The following SUPT3H variants were observed in gnomAD, a reference collection of about 807,000 sequenced individuals.
SUPT3H encodes the protein transcription initiation protein SPT3 homolog.
Under a neutral mutation model 44.3 loss-of-function variants are expected in SUPT3H, and 44 were observed. The observed-to-expected ratio is 0.99, with a 90% confidence interval of 0.78 to 1.28. The LOEUF (loss-of-function observed/expected upper bound fraction) is 1.28, where lower values mean the gene tolerates loss of function less well. SUPT3H is among the 50% of genes most tolerant of loss of function. The pLI is 0.00. For missense variants in SUPT3H, 380 were observed against 387.1 expected (o/e 0.98, Z 0.15); for synonymous variants, 124 against 125.6 (o/e 0.99, Z 0.09).
chr6:45,064,707 CA>C (rs1420142341), intron 3 of SUPT3H, among the ~76,000 whole-genome samples: 5 of 133,894 alleles, frequency 3.7e-5, no homozygotes, highest in Non-Finnish European at 8.0e-5. Context: ...TCAAAAGAGA[CA>C]AAGAAGGCCA....
intron 2 of SUPT3H, among the ~76,000 whole-genome samples, chr6:45,166,923 C>T (rs1809980197): frequency 6.6e-6 from 1 of 152,164 alleles, no homozygotes; most frequent in African/African-American, 2.4e-5. Context: ...GCATTGCTTG[C>T]AGGGAAGTAA....
intron 2 of SUPT3H, among the ~76,000 whole-genome samples, chr6:45,128,727 CCAGA>C (rs1223110398): frequency 6.7e-6 from 1 of 150,030 alleles, no homozygotes; most frequent in African/African-American, 2.5e-5. Flanking sequence ...CTTCTGTCAC[CCAGA>C]CTGGAGTGCA....
chr6:45,115,949 A>T (rs945340108), intron 2 of SUPT3H, among the ~76,000 whole-genome samples: 1 of 152,120 alleles, frequency 6.6e-6, no homozygotes, highest in Non-Finnish European at 1.5e-5. Context: ...AGTGCCAACC[A>T]ATCAACAACA....
chr6:44,907,997 C>T (rs1441652310), intron 10 of SUPT3H, among the ~76,000 whole-genome samples: 2 of 152,072 alleles, frequency 1.3e-5, no homozygotes, highest in Admixed American at 1.3e-4. Flanking sequence ...GCCAGGAGAA[C>T]TTGAAAGAGT....
intron 2 of SUPT3H, among the ~76,000 whole-genome samples, chr6:45,208,757 T>A (rs1277092397): frequency 3.4e-5 from 5 of 146,870 alleles, no homozygotes; most frequent in African/African-American, 2.5e-5. Flanking sequence ...AAATTCTCAG[T>A]GGAAACAAAA....
chr6:45,226,565 G>C (rs1766975041), intron 2 of SUPT3H, among the ~76,000 whole-genome samples: 1 of 152,066 alleles, frequency 6.6e-6, no homozygotes, highest in Non-Finnish European at 1.5e-5. Flanking sequence ...TCTTCTTTTT[G>C]AGACGGAGTC....
chr6:45,280,801 C>T (rs1777899330), intron 2 of SUPT3H, among the ~76,000 whole-genome samples: 1 of 151,006 alleles, frequency 6.6e-6, no homozygotes, highest in Admixed American at 6.6e-5. Context: ...ATAGTTTATG[C>T]CTTATCAACT....
intron 2 of SUPT3H, among the ~76,000 whole-genome samples, chr6:45,335,530 A>G (rs888208166): frequency 4.6e-5 from 7 of 151,308 alleles, no homozygotes; most frequent in African/African-American, 1.7e-4. Context: ...TTTTTTAGAT[A>G]AAAGTAAATT....
intron 6 of SUPT3H, among the ~76,000 whole-genome samples, chr6:44,972,549 C>A (rs561421579): frequency 7.9e-4 from 120 of 152,258 alleles, no homozygotes; most frequent in African/African-American, 2.7e-3. Flanking sequence ...AGAATGGTGG[C>A]CCTTTTACAG....
At chr6:45,158,314 T>TTTG in intron 2 of SUPT3H, among the ~76,000 whole-genome samples, 1 of 119,542 alleles carries the variant, frequency 8.4e-6, no homozygotes, top group Non-Finnish European at 1.8e-5. Flanking sequence ...TTTTTTTTTT[T>TTTG]TTTGAGATGG....
At chr6:45,114,054 T>G (rs1184169723) in intron 2 of SUPT3H, among the ~76,000 whole-genome samples, 1 of 151,890 alleles carries the variant, frequency 6.6e-6, no homozygotes, top group African/African-American at 2.4e-5. Flanking sequence ...CAAAATTAAA[T>G]TATTTATGAT....
intron 2 of SUPT3H, among the ~76,000 whole-genome samples, chr6:45,201,872 A>G (rs897257044): frequency 1.3e-5 from 2 of 151,956 alleles, no homozygotes; most frequent in Non-Finnish European, 2.9e-5. Flanking sequence ...AGTTTTTAAA[A>G]TATTAACAGT....
chr6:45,172,886 G>A lies in SUPT3H; in HGVS notation c.102-66880C>T, dbSNP rs114750030. ...ATTACAAGTGTGAGCCACCACACCC[G>A]GCCCAGATATTTTTAAAAATTCGTA... On this transcript the variant is annotated intron_variant, in intron 2 of 10. Coordinates refer to ENST00000371459, the MANE Select transcript of SUPT3H (RefSeq NM_003599.4). 5.6e-3 allele frequency among the ~76,000 whole-genome samples: 847 copies of A among 152,182 alleles called. 13 individuals are homozygous for A. Among genetic ancestry groups the A allele is most frequent in the African/African-American group, 0.019 (807 of 41,500 alleles).
chr6:44,846,621 C>T (rs1278909802), intron 10 of SUPT3H, among the ~76,000 whole-genome samples: 1 of 151,876 alleles, frequency 6.6e-6, no homozygotes, highest in Non-Finnish European at 1.5e-5. Flanking sequence ...TTTTGTCTTT[C>T]CCAATTGAAT....
At chr6:45,244,964 T>C (rs1771079096) in intron 2 of SUPT3H, among the ~76,000 whole-genome samples, 1 of 152,120 alleles carries the variant, frequency 6.6e-6, no homozygotes, top group Admixed American at 6.5e-5. Flanking sequence ...AGTTACTAAA[T>C]ATCTATGAAT....
intron 10 of SUPT3H, among the ~76,000 whole-genome samples, chr6:44,846,291 C>T (rs1771858976): frequency 6.6e-6 from 1 of 152,188 alleles, no homozygotes; most frequent in South Asian, 2.1e-4. Flanking sequence ...CAACTTAATG[C>T]AAAAGGCTAG....
intron 5 of SUPT3H, among the ~76,000 whole-genome samples, chr6:45,006,107 T>C (rs987679058): frequency 6.6e-6 from 1 of 152,116 alleles, no homozygotes; most frequent in Non-Finnish European, 1.5e-5. Flanking sequence ...GGGCTTTTAA[T>C]GTTAAATTAT....
intron 10 of SUPT3H, among the ~76,000 whole-genome samples, chr6:44,903,222 A>G (rs1158414128): frequency 6.6e-6 from 1 of 152,232 alleles, no homozygotes; most frequent in Non-Finnish European, 1.5e-5. Flanking sequence ...AAACCCTTCA[A>G]AAAATCAATG....
chr6:44,867,542 T>C lies in SUPT3H; in HGVS notation c.913-37685A>G, dbSNP rs143620242. On this transcript the variant is annotated intron_variant, in intron 10 of 10. Transcript: ENST00000371459. ...AAAAGATTCAGCTAGTCAGAATTGCTGTCTCTTTCTAGCAAGTTTTCACTT... is the reference window on the plus strand; with the variant it reads ...AAAAGATTCAGCTAGTCAGAATTGCCGTCTCTTTCTAGCAAGTTTTCACTT... Among the ~76,000 whole-genome samples, 331 of 151,202 alleles carry C rather than the reference T, an allele frequency of 2.2e-3. 1 individual carries two copies. The highest frequency in any genetic ancestry group is 7.6e-3 in the African/African-American group (316 of 41,480).
Sources: gnomAD v4.1 joint callset for allele counts (sites outside exome capture counted in the v4.1 genomes callset) on GRCh38, gnomAD v4.1.1 for gene constraint, MANE v1.5 for transcripts, NCBI Gene and HGNC (gene_info 2026-07-23, HGNC 2026-07-21) for gene names.